LINGO2: variants seen among roughly 807,000 people sequenced by gnomAD.
LINGO2 encodes the protein leucine-rich repeat and immunoglobulin-like domain-containing nogo receptor-interacting protein 2.
A neutral mutation model predicts 30.6 loss-of-function variants in LINGO2; 14 were observed. That is an observed-to-expected ratio of 0.46 (90% confidence interval 0.30 to 0.72). The LOEUF (loss-of-function observed/expected upper bound fraction) is 0.72, where lower values mean the gene tolerates loss of function less well. Among genes scored for constraint, LINGO2 ranks in the 30% least tolerant of loss-of-function variants. The pLI, the probability that LINGO2 is intolerant of heterozygous loss-of-function variation, is 0.07. For missense variants in LINGO2, 729 were observed against 751.7 expected (o/e 0.97, Z 0.35); for synonymous variants, 317 against 288.5 (o/e 1.10, Z -1.00).
chr9:29,196,654 C>A, the LINGO2 span, among the ~76,000 whole-genome samples: 3 of 151,698 alleles, frequency 2.0e-5, no homozygotes, highest in African/African-American at 7.3e-5. Flanking sequence ...TCTAAAGAAG[C>A]CTATAGTCTA....
chr9:28,009,925 T>A (rs1488427134), intron 5 of LINGO2, among the ~76,000 whole-genome samples: 1 of 152,210 alleles, frequency 6.6e-6, no homozygotes, highest in African/African-American at 2.4e-5. Context: ...CATGTGAACA[T>A]TCATAGCACC....
intron 4 of LINGO2, among the ~76,000 whole-genome samples, chr9:28,228,060 T>A (rs1821232628): frequency 6.6e-6 from 1 of 152,062 alleles, no homozygotes; most frequent in Non-Finnish European, 1.5e-5. Context: ...CATGTAGTCA[T>A]ATCCTAATGA....
the LINGO2 span, among the ~76,000 whole-genome samples, chr9:28,722,660 A>G: frequency 1.8e-4 from 27 of 152,176 alleles, no homozygotes; most frequent in Non-Finnish European, 3.8e-4. Context: ...AATGCTAAAA[A>G]TGGAATATTT....
At chr9:28,188,255 T>C (rs1392000458) in intron 4 of LINGO2, among the ~76,000 whole-genome samples, 1 of 150,622 alleles carries the variant, frequency 6.6e-6, no homozygotes, top group Non-Finnish European at 1.5e-5. Flanking sequence ...AACATTACCT[T>C]GGACTACCTG....
intron 4 of LINGO2, among the ~76,000 whole-genome samples, chr9:28,125,594 T>G (rs1827213995): frequency 2.0e-5 from 3 of 152,018 alleles, no homozygotes; most frequent in South Asian, 2.1e-4. Context: ...ACTGCAGGGC[T>G]CTCTTAGAGT....
chr9:28,299,014 T>A (rs1587416439), intron 3 of LINGO2, among the ~76,000 whole-genome samples: 1 of 152,324 alleles, frequency 6.6e-6, no homozygotes, highest in South Asian at 2.1e-4. Context: ...TTAGTATACC[T>A]TATTGCTTTG....
chr9:28,612,806 T>C (rs1031980556), intron 1 of LINGO2, among the ~76,000 whole-genome samples: 1 of 152,142 alleles, frequency 6.6e-6, no homozygotes, highest in African/African-American at 2.4e-5. Flanking sequence ...TGATTTGTTT[T>C]GAAATGTGAA....
At chr9:28,398,249 T>G (rs964787475) in intron 2 of LINGO2, among the ~76,000 whole-genome samples, 16 of 152,178 alleles carry the variant, frequency 1.1e-4, no homozygotes, top group African/African-American at 3.1e-4. Context: ...TACCTGACAC[T>G]GTACCTGAAT....
chr9:28,993,440 A>T, the LINGO2 span, among the ~76,000 whole-genome samples: 2 of 152,214 alleles, frequency 1.3e-5, no homozygotes, highest in South Asian at 4.1e-4. Flanking sequence ...CAGAGGTACA[A>T]GGAGGAACTG....
At chr9:28,104,702 T>C (rs1448463269) in intron 4 of LINGO2, among the ~76,000 whole-genome samples, 1 of 152,282 alleles carries the variant, frequency 6.6e-6, no homozygotes, top group East Asian at 1.9e-4. Flanking sequence ...CTTACACATT[T>C]CTTCTCAAAT....
chr9:29,107,175 T>C, the LINGO2 span, among the ~76,000 whole-genome samples: 1 of 152,016 alleles, frequency 6.6e-6, no homozygotes, highest in Non-Finnish European at 1.5e-5. Flanking sequence ...GAAGAAAAAA[T>C]AATAAATCCT....
intron 1 of LINGO2, among the ~76,000 whole-genome samples, chr9:28,477,964 C>A (rs1825793098): frequency 6.6e-6 from 1 of 152,090 alleles, no homozygotes; most frequent in Admixed American, 6.5e-5. Context: ...TGGTCTTCAG[C>A]AACTAAGGAC....
At chr9:28,389,728 G>A (rs1199716383) in intron 2 of LINGO2, among the ~76,000 whole-genome samples, 4 of 152,106 alleles carry the variant, frequency 2.6e-5, no homozygotes, top group Non-Finnish European at 5.9e-5. Flanking sequence ...TTTCATAAAT[G>A]CATCCAGAAC....
At chr9:29,108,596 A>G in the LINGO2 span, among the ~76,000 whole-genome samples, 6 of 152,348 alleles carry the variant, frequency 3.9e-5, no homozygotes, top group African/African-American at 1.2e-4. Flanking sequence ...CTAATTATAC[A>G]TTACTTTGGT....
chr9:28,313,942 T>G (rs1280362479), intron 3 of LINGO2, among the ~76,000 whole-genome samples: 1 of 152,174 alleles, frequency 6.6e-6, no homozygotes, highest in Non-Finnish European at 1.5e-5. Context: ...ATTGATTTTT[T>G]TTTTTGTTTT....
chr9:28,800,090 G>A, the LINGO2 span, among the ~76,000 whole-genome samples: 1 of 151,986 alleles, frequency 6.6e-6, no homozygotes, highest in African/African-American at 2.4e-5. Flanking sequence ...AGGATGAGCA[G>A]AATCAAAATG....
chr9:28,171,305 A>G (rs532322491), intron 4 of LINGO2, among the ~76,000 whole-genome samples: 1 of 152,338 alleles, frequency 6.6e-6, no homozygotes, highest in Non-Finnish European at 1.5e-5. Flanking sequence ...GAAGCAGAGT[A>G]TTAGGGTACC....
At chr9:27,949,646 G>A (rs1055305227) in exon 6 of LINGO2, 6 of 1,613,814 alleles carry the variant, frequency 3.7e-6, no homozygotes, top group African/African-American at 2.7e-5. Context: ...CCCTAGGGGA[G>A]GAGAAGACAT....
intron 4 of LINGO2, among the ~76,000 whole-genome samples, chr9:28,213,656 A>T (rs1820669767): frequency 6.6e-6 from 1 of 151,442 alleles, no homozygotes; most frequent in African/African-American, 2.4e-5. Context: ...TAAAATTATT[A>T]TCTAGCTCAG....
Sources: gnomAD v4.1 joint callset for allele counts (sites outside exome capture counted in the v4.1 genomes callset) on GRCh38, gnomAD v4.1.1 for gene constraint, MANE v1.5 for transcripts, NCBI Gene and HGNC (gene_info 2026-07-23, HGNC 2026-07-21) for gene names.